Variants in LDLRAD4 observed in about 807,000 individuals in gnomAD.
LDLRAD4 encodes the protein low-density lipoprotein receptor class A domain-containing protein 4.
Under a neutral mutation model 17.0 loss-of-function variants are expected in LDLRAD4, and 5 were observed. The ratio of observed to expected loss-of-function variants is 0.29; its 90% CI spans 0.15 to 0.62. The LOEUF (loss-of-function observed/expected upper bound fraction) is 0.62. LDLRAD4 is among the 20% of genes least tolerant of loss of function. LDLRAD4 has a pLI of 0.84. For synonymous variants in LDLRAD4, 168 were observed against 171.8 expected, an observed-to-expected ratio of 0.98 and a Z score of 0.17; for missense variants, 340 against 424.7, an observed-to-expected ratio of 0.80 and a Z score of 1.75.
At chr18:13,463,522 A>G (rs924817137) in intron 3 of LDLRAD4, among the ~76,000 whole-genome samples, 1 of 152,136 alleles carries the variant, frequency 6.6e-6, no homozygotes, top group African/African-American at 2.4e-5. Context: ...ACATATTCTC[A>G]TCTCCCAAAT....
chr18:13,571,589 T>C (rs1234973652), intron 3 of LDLRAD4, among the ~76,000 whole-genome samples: 3 of 152,342 alleles, frequency 2.0e-5, no homozygotes, highest in South Asian at 2.1e-4. Context: ...AGGCCAGTGT[T>C]GCTTTGGATT....
rs375128973 is a variant in LDLRAD4, at chr18:13,399,650, C to T, written c.40+11888C>T. Among the ~76,000 whole-genome samples the T allele has an allele frequency of 8.5e-5, 13 of 152,342 alleles. No individual in the cohort carries two copies. In the South Asian group the frequency reaches 1.0e-3, roughly 12 times the overall value. On this transcript the variant is annotated intron_variant, in intron 2 of 5. Transcript: ENST00000359446. The stretch of plus-strand genomic sequence containing the variant: ...CTCGCTATCTGCAGAGCCACATGGG[C>T]GTCCCATTTGCCAGTGGCATCTGAG...
At chr18:13,539,679 G>C (rs935278053) in intron 3 of LDLRAD4, among the ~76,000 whole-genome samples, 2 of 152,046 alleles carry the variant, frequency 1.3e-5, no homozygotes, top group African/African-American at 4.8e-5. Context: ...ACTGTGTCTT[G>C]GTGGGAGGAA....
At chr18:13,355,800 TA>T (rs975609117) in intron 1 of LDLRAD4, among the ~76,000 whole-genome samples, 5 of 151,586 alleles carry the variant, frequency 3.3e-5, no homozygotes, top group East Asian at 1.9e-4. Flanking sequence ...CCTGGCTAAT[TA>T]AAAAAAAATT....
intron 1 of LDLRAD4, among the ~76,000 whole-genome samples, chr18:13,296,982 G>T (rs1043614392): frequency 6.6e-6 from 1 of 152,156 alleles, no homozygotes; most frequent in African/African-American, 2.4e-5. Flanking sequence ...CTGCACCCAG[G>T]TTCTTTGTCT....
At chr18:13,575,359 A>T (rs2094753708) in intron 3 of LDLRAD4, among the ~76,000 whole-genome samples, 1 of 152,252 alleles carries the variant, frequency 6.6e-6, no homozygotes, top group African/African-American at 2.4e-5. Context: ...CTTCACTTAG[A>T]ATAATAGTCT....
At chr18:13,591,303 A>T (rs1193939172) in intron 3 of LDLRAD4, among the ~76,000 whole-genome samples, 1 of 152,188 alleles carries the variant, frequency 6.6e-6, no homozygotes, top group Non-Finnish European at 1.5e-5. Context: ...TTCATATTTA[A>T]TATCACCAGG....
At position 13,263,829 on chromosome 18, in the gene LDLRAD4, G is replaced by A. The variant is rs905058324; in HGVS notation, c.-466-14276G>A. ...CTGTGGACCACCTGACTGCATTGCT[G>A]TCCCTCTAAAGGTCATGATTGGGTG... On this transcript the variant is annotated intron_variant, in intron 1 of 5. Coordinates refer to the LDLRAD4 transcript ENST00000399848. 7.9e-5 allele frequency among the ~76,000 whole-genome samples: 12 copies of A among 152,278 alleles called. 1 individual carries two copies. Among genetic ancestry groups the A allele is most frequent in the Admixed American group, 7.8e-4 (12 of 15,312 alleles).
chr18:13,257,118 C>A (rs1321265484), intron 1 of LDLRAD4, among the ~76,000 whole-genome samples: 1 of 152,232 alleles, frequency 6.6e-6, no homozygotes, highest in African/African-American at 2.4e-5. Context: ...GCCATGGAGT[C>A]ATGCCGCGCT....
intron 3 of LDLRAD4, among the ~76,000 whole-genome samples, chr18:13,551,660 G>A (rs1246669621): frequency 1.3e-5 from 2 of 152,162 alleles, no homozygotes; most frequent in Non-Finnish European, 2.9e-5. Flanking sequence ...ACAGAGGAGG[G>A]TCCTCTGCCA....
intron 1 of LDLRAD4, among the ~76,000 whole-genome samples, chr18:13,366,703 C>T (rs189654098): frequency 9.2e-5 from 14 of 152,238 alleles, no homozygotes; most frequent in South Asian, 2.1e-4. Flanking sequence ...TGAAGTCATT[C>T]GGGGGTGGAG....
At chr18:13,277,342 G>A (rs56078702), upstream of LDLRAD4, among the ~76,000 whole-genome samples, 32,958 of 152,122 alleles carry the variant, frequency 0.22, 4,302 homozygotes, top group East Asian at 0.39. Flanking sequence ...GTCTGAGGCC[G>A]AGCTTTGCTG....
rs138167867 is a variant in LDLRAD4 at position 13,493,226 on chromosome 18, C to T, written c.181+54842C>T. Among the ~76,000 whole-genome samples the T allele has an allele frequency of 1.0e-3, 159 of 152,318 alleles. 2 individuals are homozygous for T. Among genetic ancestry groups the T allele is most frequent in the African/African-American group, 3.7e-3 (155 of 41,564 alleles). ...TTCAAGCATTTAAATGCCATTTCCACAAGTCTGCTCATACTGGGAAAGTGT... is the reference window on the plus strand; with the variant it reads ...TTCAAGCATTTAAATGCCATTTCCATAAGTCTGCTCATACTGGGAAAGTGT... On this transcript the variant is annotated intron_variant, in intron 3 of 5. Transcript: ENST00000359446.
At chr18:13,274,153 G>A (rs886752280), upstream of LDLRAD4, among the ~76,000 whole-genome samples, 2 of 152,192 alleles carry the variant, frequency 1.3e-5, no homozygotes, top group African/African-American at 4.8e-5. Context: ...TTTCCTTCCG[G>A]GAGGCTTAGT....
At chr18:13,612,197 T>A (rs1367772722) in intron 3 of LDLRAD4, 2 of 988,314 alleles carry the variant, frequency 2.0e-6, no homozygotes, top group Non-Finnish European at 2.4e-6. Context: ...AAAAGATTAC[T>A]GAACGCAGTG....
At chr18:13,491,915 G>A (rs2093365890) in intron 3 of LDLRAD4, among the ~76,000 whole-genome samples, 2 of 152,174 alleles carry the variant, frequency 1.3e-5, no homozygotes, top group Admixed American at 6.5e-5. Context: ...GCATGAATTG[G>A]TGCGAGGAAA....
intron 3 of LDLRAD4, among the ~76,000 whole-genome samples, chr18:13,456,619 G>T (rs868192251): frequency 6.6e-6 from 1 of 151,844 alleles, no homozygotes; most frequent in Non-Finnish European, 1.5e-5. Context: ...TTTATTTTTG[G>T]TCCCTGAATG....
chr18:13,455,665 G>A (rs2092093188), intron 3 of LDLRAD4, among the ~76,000 whole-genome samples: 1 of 152,132 alleles, frequency 6.6e-6, no homozygotes, highest in South Asian at 2.1e-4. Flanking sequence ...CCTCCCCGTG[G>A]CTGGGGCAGA....
At chr18:13,639,844 C>T (rs1031338920) in intron 4 of LDLRAD4, among the ~76,000 whole-genome samples, 1 of 151,884 alleles carries the variant, frequency 6.6e-6, no homozygotes, top group Non-Finnish European at 1.5e-5. Context: ...ATTATTATAC[C>T]TCAATAAAGC....
Sources: gnomAD v4.1 joint callset for allele counts (sites outside exome capture counted in the v4.1 genomes callset) on GRCh38, gnomAD v4.1.1 for gene constraint, MANE v1.5 for transcripts, NCBI Gene and HGNC (gene_info 2026-07-23, HGNC 2026-07-21) for gene names.